VEGFC: variants seen among roughly 807,000 people sequenced by gnomAD.
VEGFC encodes vascular endothelial growth factor C, also known as FLT4 ligand DHM.
A neutral mutation model predicts 46.1 loss-of-function variants in VEGFC; 12 were observed. The ratio of observed to expected loss-of-function variants is 0.26; its 90% CI spans 0.17 to 0.42. VEGFC has a LOEUF of 0.42. Ranked by LOEUF, VEGFC falls within the 10% of genes least tolerant of loss-of-function variation. The pLI is 1.00. For missense variants in VEGFC, 488 were observed against 529.4 expected, an observed-to-expected ratio of 0.92 and a Z score of 0.77; for synonymous variants, 232 against 195.5, an observed-to-expected ratio of 1.19 and a Z score of -1.56.
intron 1 of VEGFC, among the ~76,000 whole-genome samples, chr4:176,762,216 T>G (rs1031336121): frequency 6.6e-6 from 1 of 152,120 alleles, no homozygotes; most frequent in Non-Finnish European, 1.5e-5. Flanking sequence ...CCTCCAAAAC[T>G]CATGTTGAAT....
At chr4:176,782,629 G>T (rs1342733887) in intron 1 of VEGFC, among the ~76,000 whole-genome samples, 4 of 152,024 alleles carry the variant, frequency 2.6e-5, no homozygotes, top group African/African-American at 9.7e-5. Flanking sequence ...TTTATTATAT[G>T]CTTACATACA....
In VEGFC at chr4:176,770,979, T is replaced by TACACACACACAC. The variant is rs148140472; in HGVS notation, c.147+21174_147+21185dup. ...TTCAATTGAAGGTGCAAGTAACTGATACACACACACACACACACACACACA... is the reference window on the plus strand; with the variant it reads ...TTCAATTGAAGGTGCAAGTAACTGATACACACACACACACACACACACACACACACACACACA... On this transcript the variant is annotated intron_variant, in intron 1 of 6. Coordinates refer to ENST00000618562, the MANE Select transcript of VEGFC (RefSeq NM_005429.5). 2.7e-3 allele frequency among the ~76,000 whole-genome samples: 401 copies of TACACACACACAC among 148,502 alleles called. 1 individual carries two copies. The highest frequency in any genetic ancestry group is 7.7e-3 in the African/African-American group (310 of 40,154).
intron 4 of VEGFC, among the ~76,000 whole-genome samples, chr4:176,694,469 G>A (rs1734270886): frequency 6.6e-6 from 1 of 151,410 alleles, no homozygotes; most frequent in Admixed American, 6.6e-5. Flanking sequence ...GGAGCACCAA[G>A]ATTCATAAAG....
At position 176,792,300 on chromosome 4, in the gene VEGFC, C is replaced by T; in HGVS notation, c.12G>A (p.Leu4=). ...GAGAACACGCCACAGAGAAGAAGCC[C>T]AGCAAGTGCATGGTGGAAGGACCGG... MHL[L]GFFSVACSLL... The change falls in exon 1 of 7, where the codon CTG becomes CTA. Residue 4 remains leucine (L), a synonymous_variant. Coordinates refer to ENST00000618562, the MANE Select transcript of VEGFC (RefSeq NM_005429.5). The surrounding 1 kb of genome is among the most constrained non-coding windows in gnomAD (Gnocchi z 6.3). 1.3e-6 allele frequency: 2 copies of T among 1,522,036 alleles called. No individual in the cohort carries two copies. Among genetic ancestry groups the T allele is most frequent in the Non-Finnish European group, 1.8e-6 (2 of 1,136,480 alleles). 94.3% of individuals were successfully genotyped at this position (1,522,036 alleles called of 1,614,324 possible). A position where few individuals can be genotyped will look rare whatever the true frequency, so the allele number is the denominator to read the frequency against.
intron 3 of VEGFC, among the ~76,000 whole-genome samples, chr4:176,721,294 T>C (rs542194793): frequency 6.6e-6 from 1 of 152,308 alleles, no homozygotes; most frequent in Admixed American, 6.5e-5. Context: ...CCAATCAATC[T>C]GACCAGATGC....
intron 4 of VEGFC, among the ~76,000 whole-genome samples, chr4:176,703,863 G>A (rs1432156360): frequency 1.3e-5 from 2 of 152,030 alleles, no homozygotes; most frequent in Non-Finnish European, 2.9e-5. Flanking sequence ...TTTTCTAGTT[G>A]TGTGACATTG....
intron 1 of VEGFC, among the ~76,000 whole-genome samples, chr4:176,789,623 C>G (rs1736056707): frequency 6.6e-6 from 1 of 152,132 alleles, no homozygotes; most frequent in Non-Finnish European, 1.5e-5. Context: ...TTACTTTTGC[C>G]TGCCTTACTT....
intron 3 of VEGFC, among the ~76,000 whole-genome samples, chr4:176,726,416 A>ATT (rs5864402): frequency 1.5e-3 from 231 of 151,852 alleles, no homozygotes; most frequent in Middle Eastern, 3.4e-3. Flanking sequence ...TCACCTTTTA[A>ATT]TTTTTTTTAA....
intron 4 of VEGFC, among the ~76,000 whole-genome samples, chr4:176,697,929 G>A (rs944843922): frequency 3.3e-5 from 5 of 150,946 alleles, no homozygotes; most frequent in African/African-American, 9.8e-5. Context: ...GGTGGGAATT[G>A]AACAATGAGA....
At chr4:176,716,584 G>GAAAAAAAAAAAAAAAAAAAAA (rs57274087) in intron 3 of VEGFC, among the ~76,000 whole-genome samples, 2 of 43,760 alleles carry the variant, frequency 4.6e-5, no homozygotes, top group Admixed American at 3.3e-4. Flanking sequence ...CTCCCTCTCC[G>GAAAAAAAAAAAAAAAAAAAAA]AAAAAAAAAA....
chr4:176,769,123 C>T (rs892885306), intron 1 of VEGFC, among the ~76,000 whole-genome samples: 1 of 152,094 alleles, frequency 6.6e-6, no homozygotes, highest in Non-Finnish European at 1.5e-5. Flanking sequence ...GTGAGGGGGA[C>T]GTGCAACAAG....
intron 1 of VEGFC, among the ~76,000 whole-genome samples, chr4:176,775,049 G>A (rs922469879): frequency 6.6e-6 from 1 of 152,074 alleles, no homozygotes; most frequent in Non-Finnish European, 1.5e-5. Context: ...TGACTCACAG[G>A]TATTATAACA....
chr4:176,728,477 TGAG>T (rs1177264298), intron 2 of VEGFC, among the ~76,000 whole-genome samples: 1 of 152,176 alleles, frequency 6.6e-6, no homozygotes, highest in Non-Finnish European at 1.5e-5. Context: ...TTGGCAACCT[TGAG>T]TAATGTCGTG....
At chr4:176,712,273 T>C (rs1734632772) in intron 3 of VEGFC, among the ~76,000 whole-genome samples, 1 of 152,170 alleles carries the variant, frequency 6.6e-6, no homozygotes. Context: ...TTCTGCTATC[T>C]TGGTAAAGGA....
intron 1 of VEGFC, among the ~76,000 whole-genome samples, chr4:176,760,659 G>C (rs1399073448): frequency 6.6e-6 from 1 of 151,978 alleles, no homozygotes; most frequent in Admixed American, 6.6e-5. Context: ...TTTTTCATAC[G>C]AGCTAAAGCT....
chr4:176,691,319 G>T (rs557372678), intron 4 of VEGFC, among the ~76,000 whole-genome samples: 4 of 152,234 alleles, frequency 2.6e-5, no homozygotes, highest in South Asian at 4.1e-4. Flanking sequence ...TTATAATTAT[G>T]TTTTTTGTAT....
intron 1 of VEGFC, among the ~76,000 whole-genome samples, chr4:176,777,918 C>CAAAAAAAAAAAA (rs773634012): frequency 3.5e-5 from 2 of 57,170 alleles, no homozygotes; most frequent in African/African-American, 1.3e-4. Flanking sequence ...GACTTTGTCT[C>CAAAAAAAAAAAA]AAAAAAAAAA....
chr4:176,728,015 A>T (rs769783343), intron 2 of VEGFC, 47 bp from the exon 3 acceptor site: 1 of 1,491,812 alleles, frequency 6.7e-7, no homozygotes, highest in South Asian at 1.4e-5. Context: ...AACCACCAAG[A>T]TAAAAAAAGC....
chr4:176,719,827 G>A (rs1050355724), intron 3 of VEGFC, among the ~76,000 whole-genome samples: 17 of 152,108 alleles, frequency 1.1e-4, no homozygotes, highest in Non-Finnish European at 1.6e-4. Flanking sequence ...TTGGGTGGCC[G>A]AGGCGAGTGG....
Sources: gnomAD v4.1 joint callset for allele counts (sites outside exome capture counted in the v4.1 genomes callset) on GRCh38, gnomAD v4.1.1 for gene constraint, Gnocchi (gnomAD v3.1) non-coding constraint, MANE v1.5 for transcripts, NCBI Gene and HGNC (gene_info 2026-07-23, HGNC 2026-07-21) for gene names.